The following GNG7 variants were observed in gnomAD, a reference collection of about 807,000 sequenced individuals.
GNG7 encodes the protein guanine nucleotide-binding protein G(I)/G(S)/G(O) subunit gamma-7.
Under a neutral mutation model 4.0 loss-of-function variants are expected in GNG7, and 1 was observed. That is an observed-to-expected ratio of 0.25 (90% CI 0.09 to 1.18). The LOEUF (loss-of-function observed/expected upper bound fraction) is 1.18. Ranked by LOEUF, GNG7 falls within the 50% of genes most tolerant of loss-of-function variation. GNG7 has a pLI of 0.50. For synonymous variants in GNG7, 34 were observed against 36.9 expected (o/e 0.92, Z 0.29); for missense variants, 86 against 91.9 (o/e 0.94, Z 0.26).
intron 3 of GNG7, among the ~76,000 whole-genome samples, chr19:2,539,275 T>TCCCCC (rs1978863630): frequency 6.6e-6 from 1 of 151,818 alleles, no homozygotes; most frequent in African/African-American, 2.4e-5. Flanking sequence ...TTAAGGATAT[T>TCCCCC]TTCACAAACT....
At chr19:2,684,302 A>C (rs1983817518) in intron 1 of GNG7, among the ~76,000 whole-genome samples, 1 of 151,514 alleles carries the variant, frequency 6.6e-6, no homozygotes, top group African/African-American at 2.4e-5. Context: ...ACGCCCGGAT[A>C]ATTTTTGTAT....
At chr19:2,652,390 C>T (rs748392033) in intron 1 of GNG7, among the ~76,000 whole-genome samples, 3 of 151,520 alleles carry the variant, frequency 2.0e-5, no homozygotes, top group Non-Finnish European at 4.4e-5. Context: ...GAGGCCGAGG[C>T]GGGTAAATCA....
At chr19:2,616,338 G>A (rs959537824) in intron 2 of GNG7, among the ~76,000 whole-genome samples, 26 of 151,992 alleles carry the variant, frequency 1.7e-4, no homozygotes, top group African/African-American at 4.3e-4. Context: ...TCTGCCTCCC[G>A]TGTTCCAGCG....
At chr19:2,553,873 C>T (rs1979454819) in intron 3 of GNG7, among the ~76,000 whole-genome samples, 1 of 146,650 alleles carries the variant, frequency 6.8e-6, no homozygotes, top group South Asian at 2.1e-4. Context: ...TGTAACATTG[C>T]ATACATGTAC....
intron 3 of GNG7, among the ~76,000 whole-genome samples, chr19:2,536,362 G>A (rs1027181988): frequency 1.3e-5 from 2 of 151,548 alleles, no homozygotes; most frequent in Non-Finnish European, 1.5e-5. Context: ...CGGTTGCAGT[G>A]AGCCGAGATT....
intron 2 of GNG7, among the ~76,000 whole-genome samples, chr19:2,637,294 G>C (rs944634024): frequency 6.6e-6 from 1 of 152,146 alleles, no homozygotes; most frequent in East Asian, 1.9e-4. Flanking sequence ...AGGAGCAGGG[G>C]ATCACGGTGC....
At chr19:2,607,562 T>TAAAAAAA (rs57077280) in intron 2 of GNG7, among the ~76,000 whole-genome samples, 3 of 110,574 alleles carry the variant, frequency 2.7e-5, no homozygotes, top group African/African-American at 1.1e-4. Flanking sequence ...ACTAAAATGG[T>TAAAAAAA]AAAAAAAAAA....
chr19:2,578,341 C>T (rs1296026511), intron 2 of GNG7, among the ~76,000 whole-genome samples: 2 of 152,160 alleles, frequency 1.3e-5, no homozygotes, highest in Non-Finnish European at 1.5e-5. Flanking sequence ...CTAGTGCCAA[C>T]TCCTGACTCG....
At chr19:2,586,947 C>T (rs961249732) in intron 2 of GNG7, among the ~76,000 whole-genome samples, 4 of 144,640 alleles carry the variant, frequency 2.8e-5, no homozygotes, top group South Asian at 2.2e-4. Flanking sequence ...ATTGTGCCAC[C>T]GCACTCCAGC....
At chr19:2,553,978 T>C (rs1239095962) in intron 3 of GNG7, among the ~76,000 whole-genome samples, 1 of 52,198 alleles carries the variant, frequency 1.9e-5, no homozygotes, top group Admixed American at 2.2e-4. Context: ...ATGTATATAT[T>C]ATATGTAATA....
At chr19:2,650,361 G>C (rs1379896266) in intron 1 of GNG7, among the ~76,000 whole-genome samples, 1 of 151,798 alleles carries the variant, frequency 6.6e-6, no homozygotes, top group Non-Finnish European at 1.5e-5. Flanking sequence ...AGCTTTTTTT[G>C]TATTTTTAGT....
intron 2 of GNG7, among the ~76,000 whole-genome samples, chr19:2,604,112 A>C (rs2144815011): frequency 6.6e-6 from 1 of 151,930 alleles, no homozygotes; most frequent in South Asian, 2.1e-4. Context: ...GGCCCCCCAA[A>C]GTGCTAGGAT....
At chr19:2,648,326 G>A (rs1314839035) in intron 1 of GNG7, among the ~76,000 whole-genome samples, 1 of 151,780 alleles carries the variant, frequency 6.6e-6, no homozygotes, top group African/African-American at 2.4e-5. Context: ...AGCCCAGGAG[G>A]TCGAGGCTGC....
In GNG7 at chr19:2,566,221, C is replaced by A. The variant is rs538440829; in HGVS notation, c.-77-11033G>T. On this transcript the variant is annotated intron_variant, in intron 2 of 4. Transcript: ENST00000382159. ...GGGGACATTTGGACACAGATGCACA[C>A]GGGAGGGAGAATGCTGTATAGATAG... Among the ~76,000 whole-genome samples, 2 of 152,000 alleles carry A rather than the reference C, an allele frequency of 1.3e-5. 1 individual carries two copies. The highest frequency in any genetic ancestry group is 4.2e-4 in the South Asian group (2 of 4,814).
chr19:2,679,790 T>C (rs1057371516), intron 1 of GNG7, among the ~76,000 whole-genome samples: 3 of 152,140 alleles, frequency 2.0e-5, no homozygotes, highest in African/African-American at 7.2e-5. Context: ...CCTTACTCAT[T>C]GTATTAACTC....
At chr19:2,581,348 A>C (rs1236523321) in intron 2 of GNG7, among the ~76,000 whole-genome samples, 1 of 143,866 alleles carries the variant, frequency 7.0e-6, no homozygotes, top group African/African-American at 2.6e-5. Flanking sequence ...TGGGGGGCGG[A>C]GGGTGTCTCT....
chr19:2,606,905 C>T (rs989073815), intron 2 of GNG7, among the ~76,000 whole-genome samples: 12 of 151,230 alleles, frequency 7.9e-5, no homozygotes, highest in African/African-American at 2.9e-4. Flanking sequence ...GGAAATAATG[C>T]CATGGAGTTG....
intron 3 of GNG7, among the ~76,000 whole-genome samples, chr19:2,531,285 C>T (rs1390335366): frequency 8.4e-6 from 1 of 119,138 alleles, no homozygotes; most frequent in African/African-American, 3.4e-5. Flanking sequence ...GCTTTGGCAG[C>T]TGAGTGAGAT....
intron 2 of GNG7, among the ~76,000 whole-genome samples, chr19:2,556,275 C>G (rs1448150150): frequency 6.6e-6 from 1 of 152,258 alleles, no homozygotes; most frequent in African/African-American, 2.4e-5. Flanking sequence ...GAGGCCCCGT[C>G]CTGCCTAGCG....
Sources: gnomAD v4.1 joint callset for allele counts (sites outside exome capture counted in the v4.1 genomes callset) on GRCh38, gnomAD v4.1.1 for gene constraint, MANE v1.5 for transcripts, NCBI Gene and HGNC (gene_info 2026-07-23, HGNC 2026-07-21) for gene names.